The following PDE4D variants were observed in gnomAD, a reference collection of about 807,000 sequenced individuals.
The protein encoded by PDE4D is phosphodiesterase 4D.
PDE4D carries 24 observed loss-of-function variants against 87.4 expected under a neutral mutation model. That is an observed-to-expected ratio of 0.27 (90% CI 0.20 to 0.39). The LOEUF is 0.39. Among genes scored for constraint, PDE4D ranks in the 10% least tolerant of loss-of-function variants. PDE4D has a pLI of 1.00. For missense variants in PDE4D, 714 were observed against 1,041.0 expected, an observed-to-expected ratio of 0.69 and a Z score of 4.32; for synonymous variants, 384 against 383.2, an observed-to-expected ratio of 1.00 and a Z score of -0.02.
intron 1 of PDE4D, among the ~76,000 whole-genome samples, chr5:59,800,518 T>C (rs1245342959): frequency 3.9e-5 from 6 of 152,132 alleles, no homozygotes; most frequent in African/African-American, 1.4e-4. Context: ...GTAGAGATAT[T>C]TCCACCAATG....
intron 5 of PDE4D, among the ~76,000 whole-genome samples, chr5:59,086,118 C>T (rs551800804): frequency 6.6e-6 from 1 of 152,314 alleles, no homozygotes; most frequent in South Asian, 2.1e-4. Flanking sequence ...TAGAAGGTTA[C>T]ATAACCTGCC....
At chr5:59,022,943 A>G (rs1299278529) in intron 6 of PDE4D, among the ~76,000 whole-genome samples, 1 of 152,200 alleles carries the variant, frequency 6.6e-6, no homozygotes, top group East Asian at 1.9e-4. Context: ...TGGCGGGCCA[A>G]GGTGGGCAGA....
At chr5:60,382,816 G>A (rs1246499977) in intron 1 of PDE4D, among the ~76,000 whole-genome samples, 3 of 152,188 alleles carry the variant, frequency 2.0e-5, no homozygotes, top group African/African-American at 7.2e-5. Context: ...TTCTAGGGCT[G>A]CATATGAGAC....
chr5:59,321,478 C>G (rs1251506029), intron 1 of PDE4D, among the ~76,000 whole-genome samples: 1 of 152,152 alleles, frequency 6.6e-6, no homozygotes, highest in Non-Finnish European at 1.5e-5. Context: ...AATCTGGCAT[C>G]TTGCTCATCT....
intron 3 of PDE4D, among the ~76,000 whole-genome samples, chr5:59,949,434 C>CAA (rs59654913): frequency 0.013 from 768 of 56,952 alleles, 20 homozygotes; most frequent in African/African-American, 0.037. Flanking sequence ...CTCCGTCTCA[C>CAA]AAAAAAAAAA....
intron 5 of PDE4D, among the ~76,000 whole-genome samples, chr5:59,121,398 A>C (rs887426996): frequency 1.3e-5 from 2 of 152,206 alleles, no homozygotes; most frequent in Non-Finnish European, 2.9e-5. Context: ...AAAGGACATA[A>C]ATAGGCATTT....
At chr5:59,448,730 T>A (rs1379410209) in intron 1 of PDE4D, among the ~76,000 whole-genome samples, 1 of 152,166 alleles carries the variant, frequency 6.6e-6, no homozygotes, top group Non-Finnish European at 1.5e-5. Flanking sequence ...ACTTCAGGAC[T>A]CACACGATCC....
chr5:59,480,177 A>C (rs1249276893), intron 1 of PDE4D, among the ~76,000 whole-genome samples: 1 of 151,754 alleles, frequency 6.6e-6, no homozygotes, highest in East Asian at 1.9e-4. Flanking sequence ...TTTGTTCATG[A>C]ATATTATAGT....
intron 1 of PDE4D, among the ~76,000 whole-genome samples, chr5:59,650,994 G>A (rs1194169894): frequency 6.6e-6 from 1 of 152,040 alleles, no homozygotes; most frequent in Non-Finnish European, 1.5e-5. Flanking sequence ...GGTGGCTCAC[G>A]CCTGTAATCT....
chr5:59,486,843 T>G (rs1805245200), intron 1 of PDE4D, among the ~76,000 whole-genome samples: 1 of 152,232 alleles, frequency 6.6e-6, no homozygotes, highest in Non-Finnish European at 1.5e-5. Context: ...TAGGTTTTTA[T>G]TAAGCATTTA....
chr5:59,779,615 A>G (rs1764408734), intron 1 of PDE4D, among the ~76,000 whole-genome samples: 1 of 152,214 alleles, frequency 6.6e-6, no homozygotes, highest in African/African-American at 2.4e-5. Flanking sequence ...TCTTAAAAAC[A>G]TAGTGTTATA....
chr5:59,331,532 A>C (rs1286812251), intron 1 of PDE4D, among the ~76,000 whole-genome samples: 2 of 152,170 alleles, frequency 1.3e-5, no homozygotes, highest in East Asian at 3.9e-4. Flanking sequence ...CTAGGTTAGG[A>C]CTTCAGCATA....
intron 2 of PDE4D, among the ~76,000 whole-genome samples, chr5:59,200,928 T>C (rs1747208014): frequency 6.6e-6 from 1 of 152,100 alleles, no homozygotes; most frequent in South Asian, 2.1e-4. Context: ...TCATAGTGTA[T>C]ATTCAACTGT....
intron 3 of PDE4D, among the ~76,000 whole-genome samples, chr5:59,924,326 A>G (rs567534857): frequency 6.6e-6 from 1 of 152,292 alleles, no homozygotes; most frequent in East Asian, 1.9e-4. Context: ...CAAAGGGATA[A>G]TAACAGAGAA....
chr5:59,462,362 G>C (rs112330470), intron 1 of PDE4D, among the ~76,000 whole-genome samples: 53 of 152,114 alleles, frequency 3.5e-4, no homozygotes, highest in Non-Finnish European at 5.3e-4. Flanking sequence ...CCCCAGGTGT[G>C]TCTTGGCTCA....
At chr5:59,319,255 A>T (rs1471561174) in intron 1 of PDE4D, among the ~76,000 whole-genome samples, 1 of 152,030 alleles carries the variant, frequency 6.6e-6, no homozygotes, top group Non-Finnish European at 1.5e-5. Context: ...AGGGAAAATA[A>T]ACAAAATAAA....
At position 59,269,568 on chromosome 5, in the gene PDE4D, T is replaced by C. The variant is rs140681653; in HGVS notation, c.456-53600A>G. 3.8e-3 allele frequency among the ~76,000 whole-genome samples: 574 copies of C among 152,028 alleles called. 4 individuals are homozygous for C. The highest frequency in any genetic ancestry group is 0.013 in the African/African-American group (550 of 41,504). On this transcript the variant is annotated intron_variant, in intron 1 of 14. Transcript: ENST00000340635. Reference sequence around the variant, plus strand: ...CGCGGTAAGGCAGCACTGCAGAGAGTAAAACTGTAAGTGATCTTAACAGTC... The same window carrying C: ...CGCGGTAAGGCAGCACTGCAGAGAGCAAAACTGTAAGTGATCTTAACAGTC...
intron 1 of PDE4D, among the ~76,000 whole-genome samples, chr5:59,435,749 A>G (rs959607165): frequency 7.2e-5 from 11 of 152,184 alleles, no homozygotes; most frequent in African/African-American, 2.7e-4. Context: ...CTGATGCTCC[A>G]AAGAACTGTC....
At chr5:60,385,805 A>G (rs1184596312) in intron 1 of PDE4D, among the ~76,000 whole-genome samples, 1 of 152,052 alleles carries the variant, frequency 6.6e-6, no homozygotes, top group Non-Finnish European at 1.5e-5. Flanking sequence ...ATTTTCATCT[A>G]CCTGGAATAC....
Sources: gnomAD v4.1 joint callset for allele counts (sites outside exome capture counted in the v4.1 genomes callset) on GRCh38, gnomAD v4.1.1 for gene constraint, MANE v1.5 for transcripts, NCBI Gene and HGNC (gene_info 2026-07-23, HGNC 2026-07-21) for gene names.